Variants in KPNA1 observed in about 807,000 individuals in gnomAD.
KPNA1 encodes importin subunit alpha-5.
A neutral mutation model predicts 70.5 loss-of-function variants in KPNA1; 10 were observed. The ratio of observed to expected loss-of-function variants is 0.14; its 90% CI spans 0.09 to 0.24. The LOEUF is 0.24. KPNA1 is among the 10% of genes least tolerant of loss of function. KPNA1 has a pLI of 1.00. For missense variants in KPNA1, 397 were observed against 637.9 expected (o/e 0.62, Z 4.07); for synonymous variants, 192 against 221.9 (o/e 0.87, Z 1.20).
intron 1 of KPNA1, among the ~76,000 whole-genome samples, chr3:122,499,652 A>G (rs566134349): frequency 6.6e-6 from 1 of 151,982 alleles, no homozygotes; most frequent in Admixed American, 6.5e-5. Flanking sequence ...CCAGGTACTC[A>G]GGAGGCTGAA....
At chr3:122,449,271 T>G (rs973978967) in intron 9 of KPNA1, among the ~76,000 whole-genome samples, 1 of 152,244 alleles carries the variant, frequency 6.6e-6, no homozygotes, top group African/African-American at 2.4e-5. Flanking sequence ...AGTGGCAGTA[T>G]GCCTTCTGAT....
At chr3:122,480,857 C>T (rs544192581) in intron 2 of KPNA1, among the ~76,000 whole-genome samples, 43 of 152,038 alleles carry the variant, frequency 2.8e-4, no homozygotes, top group African/African-American at 9.2e-4. Flanking sequence ...GGCATGGTGG[C>T]GTGTGCCTGT....
At chr3:122,508,524 G>A (rs73190177) in intron 1 of KPNA1, among the ~76,000 whole-genome samples, 34,034 of 152,010 alleles carry the variant, frequency 0.22, 4,224 homozygotes, top group Non-Finnish European at 0.27. Flanking sequence ...AGGTGAGGGT[G>A]GGGGTGAGGT....
chr3:122,437,260 C>T lies in KPNA1; in HGVS notation c.1032G>A (p.Leu344=). 6.2e-7 allele frequency: 1 copy of T among 1,613,534 alleles called. No individual in the cohort carries two copies. The highest frequency in any genetic ancestry group is 1.1e-5 in the South Asian group (1 of 91,018). Reference sequence around the variant, plus strand: ...ATTCCTTTGGGCTACTCAGCAAATGCAATAAACTCTGCAGAGCTGAGCAAT... The same window carrying T: ...ATTCCTTTGGGCTACTCAGCAAATGTAATAAACTCTGCAGAGCTGAGCAAT... ...ILNCSALQSL[L]HLLSSPKESI... is the part of the protein sequence containing the mutation. The change falls in exon 11 of 14, where the codon TTG becomes TTA. Residue 344 remains leucine, a synonymous_variant. Transcript: ENST00000344337.
At chr3:122,501,217 C>T (rs1010091830) in intron 1 of KPNA1, among the ~76,000 whole-genome samples, 5 of 151,654 alleles carry the variant, frequency 3.3e-5, no homozygotes, top group African/African-American at 9.7e-5. Context: ...TTAGTAGAGT[C>T]GAGGTTTCAC....
At position 122,429,222 on chromosome 3, in the gene KPNA1, G is replaced by A. The variant is rs542625201; in HGVS notation, c.1251-1506C>T. ...TCCCAACTCTTCGGGAGGCCAACGC[G>A]GGTGGATCACCTGAGGTCAGGAGTT... On this transcript the variant is annotated intron_variant, in intron 12 of 13. Transcript: ENST00000344337. Among the ~76,000 whole-genome samples, 6 of 152,042 alleles carry A rather than the reference G, an allele frequency of 3.9e-5. No homozygotes were observed. The South Asian group carries it at 6.2e-4, about 16-fold the overall frequency.
At position 122,426,025 on chromosome 3, in the gene KPNA1, A is replaced by C. The variant is rs1483379256; in HGVS notation, c.*960T>G. 1 of 152,554 alleles carries C rather than the reference A, an allele frequency of 6.6e-6. No homozygotes were observed. The highest frequency in any genetic ancestry group is 1.5e-5 in the Non-Finnish European group (1 of 68,036). 9.5% of individuals were successfully genotyped at this position (152,554 alleles called of 1,614,324 possible). ...ATGAGGACCTTGATCAGGACCACAA[A>C]GCCTGAAACATTTATTTTAATGCAG... On this transcript the variant is annotated 3_prime_UTR_variant, in exon 14 of 14. Transcript: ENST00000344337.
chr3:122,463,145 A>C (rs1181281644), intron 4 of KPNA1, among the ~76,000 whole-genome samples: 1 of 152,080 alleles, frequency 6.6e-6, no homozygotes, highest in African/African-American at 2.4e-5. Context: ...AGGTCAGGAG[A>C]TCGAGATCCT....
intron 2 of KPNA1, among the ~76,000 whole-genome samples, chr3:122,481,412 C>T (rs928269969): frequency 6.6e-6 from 1 of 152,106 alleles, no homozygotes; most frequent in African/African-American, 2.4e-5. Context: ...TTAAAGAAAC[C>T]AATCACAAAA....
intron 1 of KPNA1, among the ~76,000 whole-genome samples, chr3:122,512,816 A>G (rs944745478): frequency 4.6e-5 from 7 of 152,208 alleles, no homozygotes; most frequent in African/African-American, 1.7e-4. Context: ...TCATAAATGT[A>G]TGTTTTGTTG....
intron 13 of KPNA1, 97 bp from the exon 14 acceptor site, chr3:122,427,269 C>T: frequency 1.1e-6 from 1 of 913,748 alleles, no homozygotes; most frequent in Non-Finnish European, 1.6e-6. Context: ...TGTCATATAT[C>T]TCTGTTCTTG....
At chr3:122,509,367 A>G (rs2076930370) in intron 1 of KPNA1, among the ~76,000 whole-genome samples, 1 of 152,212 alleles carries the variant, frequency 6.6e-6, no homozygotes, top group Admixed American at 6.5e-5. Context: ...AGGAATCACA[A>G]TCTTGGGTAT....
chr3:122,483,303 G>A (rs1028119541), intron 2 of KPNA1: 2 of 153,868 alleles, frequency 1.3e-5, no homozygotes, highest in African/African-American at 2.4e-5. Context: ...TTCCCTTCTT[G>A]TACTATCCAC....
At chr3:122,478,726 T>C (rs1428676274) in intron 2 of KPNA1, among the ~76,000 whole-genome samples, 7 of 113,718 alleles carry the variant, frequency 6.2e-5, no homozygotes, top group Non-Finnish European at 1.1e-4. Flanking sequence ...AGGCTTCATC[T>C]AAAAAAAAAA....
At chr3:122,427,415 C>T (rs2075836774) in intron 13 of KPNA1, 123 bp downstream of exon 13, 1 of 983,032 alleles carries the variant, frequency 1.0e-6, no homozygotes, top group African/African-American at 1.6e-5. Flanking sequence ...TCTGCAGAAG[C>T]AGCAATTTCC....
intron 10 of KPNA1, among the ~76,000 whole-genome samples, chr3:122,439,417 T>A (rs1207974710): frequency 6.6e-6 from 1 of 152,104 alleles, no homozygotes; most frequent in African/African-American, 2.4e-5. Flanking sequence ...TTGGAACTCC[T>A]GGGCTCAGGC....
intron 1 of KPNA1, among the ~76,000 whole-genome samples, chr3:122,503,275 A>G (rs1022938730): frequency 6.6e-6 from 1 of 152,118 alleles, no homozygotes; most frequent in African/African-American, 2.4e-5. Flanking sequence ...ATATATAAAG[A>G]AAGAAAGAAT....
chr3:122,490,302 T>C (rs2076683578), intron 2 of KPNA1, among the ~76,000 whole-genome samples: 1 of 152,258 alleles, frequency 6.6e-6, no homozygotes, highest in Non-Finnish European at 1.5e-5. Context: ...TTTCTATGTT[T>C]ACAACTAGAA....
At chr3:122,507,720 A>G (rs1242831171) in intron 1 of KPNA1, among the ~76,000 whole-genome samples, 1 of 151,882 alleles carries the variant, frequency 6.6e-6, no homozygotes, top group African/African-American at 2.4e-5. Context: ...GAGAAAAATT[A>G]TCTCTTATCT....
Sources: gnomAD v4.1 joint callset for allele counts (sites outside exome capture counted in the v4.1 genomes callset) on GRCh38, gnomAD v4.1.1 for gene constraint, MANE v1.5 for transcripts, NCBI Gene and HGNC (gene_info 2026-07-23, HGNC 2026-07-21) for gene names.